Variants in SYK observed in about 807,000 individuals in gnomAD.
The protein encoded by SYK is spleen associated tyrosine kinase.
In SYK, 16 loss-of-function variants were observed where a neutral mutation model predicts 77.8. That is an observed-to-expected ratio of 0.21 (90% CI 0.14 to 0.31). The LOEUF (loss-of-function observed/expected upper bound fraction) is 0.31. SYK is among the 10% of genes least tolerant of loss of function. The probability of loss-of-function intolerance (pLI) is 1.00; values close to 1 mark genes in which losing one functional copy is unlikely to be tolerated. For synonymous variants in SYK, 312 were observed against 308.7 expected (o/e 1.01, Z -0.11); for missense variants, 529 against 814.4 (o/e 0.65, Z 4.26).
At chr9:90,818,247 A>G (rs992954288) in intron 1 of SYK, among the ~76,000 whole-genome samples, 3 of 152,188 alleles carry the variant, frequency 2.0e-5, no homozygotes, top group African/African-American at 7.2e-5. Flanking sequence ...CACCCAAGCA[A>G]TCTGATATTT....
In SYK at chr9:90,878,938, T is replaced by G. The variant is rs781627939; in HGVS notation, c.1566T>G (p.Asp522Glu). The part of the protein sequence containing the change: ...DFGLSKALRA[D>E]ENYYKAQTHG... ...GACTTTCCAAAGCACTGCGTGCTGATGAAAACTACTACAAGGTAAGTACAA... is the reference window on the plus strand; with the variant it reads ...GACTTTCCAAAGCACTGCGTGCTGAGGAAAACTACTACAAGGTAAGTACAA... The change falls in exon 11 of 14, where the codon GAT (aspartate) becomes GAG (glutamate). Residue 522 changes from aspartate to glutamate, a missense_variant. Physicochemically the swap from Asp to Glu is conservative, Grantham distance 45. Around this residue, in one of 2 missense-constraint regions of SYK, gnomAD observed 208 missense variants for 381.3 expected, o/e 0.55. Coordinates refer to ENST00000375754, the MANE Select transcript of SYK (RefSeq NM_003177.7). 1 of 1,610,578 alleles carries G rather than the reference T, an allele frequency of 6.2e-7. No homozygotes were observed. The highest frequency in any genetic ancestry group is 2.2e-5 in the East Asian group (1 of 44,798).
intron 1 of SYK, among the ~76,000 whole-genome samples, chr9:90,838,197 C>A (rs1057484014): frequency 7.2e-5 from 11 of 152,100 alleles, no homozygotes; most frequent in Non-Finnish European, 2.9e-5. Flanking sequence ...AAATAAATAC[C>A]CATTAACCAA....
chr9:90,893,232 C>T (rs1482277833), intron 13 of SYK, among the ~76,000 whole-genome samples: 1 of 152,052 alleles, frequency 6.6e-6, no homozygotes, highest in African/African-American at 2.4e-5. Context: ...GCACAGGGGC[C>T]TGGAGGATAT....
At chr9:90,886,274 G>A (rs768373875) in intron 11 of SYK, among the ~76,000 whole-genome samples, 36 of 152,148 alleles carry the variant, frequency 2.4e-4, no homozygotes, top group African/African-American at 8.0e-4. Flanking sequence ...ATCTTACCCC[G>A]GCTAGAATGG....
intron 3 of SYK, among the ~76,000 whole-genome samples, chr9:90,852,693 G>A (rs1467337855): frequency 3.3e-5 from 5 of 152,104 alleles, no homozygotes; most frequent in Non-Finnish European, 7.4e-5. Context: ...GGATGGAGTC[G>A]TCCAACCAGT....
Position 90,844,276 on chromosome 9 carries a change from C to T in SYK, c.378C>T (p.Asn126=), listed in dbSNP as rs2118637882. The change falls in exon 2 of 14, where the codon AAC becomes AAT. Residue 126 remains asparagine (N), a synonymous_variant. Transcript: ENST00000375754. The part of the protein sequence containing the change: ...KTGPFEDLKE[N]LIREYVKQTW... ...GGCCCTTTGAGGATTTGAAGGAAAA[C>T]CTCATCAGGGAATATGTGAAGCAGA... is the stretch of plus-strand genomic sequence containing the variant. 7.4e-6 allele frequency: 12 copies of T among 1,613,316 alleles called. No individual in the cohort carries two copies. The highest frequency in any genetic ancestry group is 1.0e-5 in the Non-Finnish European group (12 of 1,179,578).
At chr9:90,881,877 A>C (rs1383009035) in intron 11 of SYK, among the ~76,000 whole-genome samples, 3 of 152,086 alleles carry the variant, frequency 2.0e-5, no homozygotes, top group African/African-American at 7.2e-5. Flanking sequence ...GCACTCTAGC[A>C]CGGGCTGCCA....
At chr9:90,873,598 G>A (rs1254519998) in intron 7 of SYK, among the ~76,000 whole-genome samples, 1 of 152,112 alleles carries the variant, frequency 6.6e-6, no homozygotes, top group Non-Finnish European at 1.5e-5. Flanking sequence ...GAGCATTGCT[G>A]GCCTAGGTGG....
intron 11 of SYK, among the ~76,000 whole-genome samples, chr9:90,884,360 T>TATATACACACATATAC (rs1828335118): frequency 3.6e-5 from 5 of 140,604 alleles, no homozygotes; most frequent in Admixed American, 6.8e-5. Context: ...CATACGTGTA[T>TATATACACACATATAC]ACATACATAC....
chr9:90,874,867 A>G lies in SYK; in HGVS notation c.1181+18A>G, dbSNP rs200453444. ...ATGAAAAAGTAAGTTGCTATGTTCC[A>G]CCAGCCTCACCCTCACATGAGCTCA... On this transcript the variant is annotated intron_variant, in intron 9 of 13. Transcript: ENST00000375754. The G allele has an allele frequency of 4.3e-6, 7 of 1,613,100 alleles. No individual in the cohort carries two copies. The highest frequency in any genetic ancestry group is 5.9e-6 in the Non-Finnish European group (7 of 1,179,412).
At chr9:90,807,152 G>A (rs112672889) in intron 1 of SYK, among the ~76,000 whole-genome samples, 81 of 152,296 alleles carry the variant, frequency 5.3e-4, no homozygotes, top group African/African-American at 1.8e-3. Context: ...CTCAGCCAGT[G>A]GTCCTACACT....
At chr9:90,870,699 T>C (rs1280139089) in intron 7 of SYK, among the ~76,000 whole-genome samples, 1 of 152,222 alleles carries the variant, frequency 6.6e-6, no homozygotes, top group Non-Finnish European at 1.5e-5. Flanking sequence ...GCCAACAGTC[T>C]GCCCTCGCCT....
rs147361225 is a variant in SYK at position 90,861,302 on chromosome 9, A to G, written c.579-904A>G. ...TCAGACTCCTGTGTTTCTGTTCACCAGGACCCAGGGCAGGGGGTTGTTCTG... is the reference window on the plus strand; with the variant it reads ...TCAGACTCCTGTGTTTCTGTTCACCGGGACCCAGGGCAGGGGGTTGTTCTG... On this transcript the variant is annotated intron_variant, in intron 3 of 13. Coordinates refer to ENST00000375754, the MANE Select transcript of SYK (RefSeq NM_003177.7). Among the ~76,000 whole-genome samples, 31 of 152,232 alleles carry G rather than the reference A, an allele frequency of 2.0e-4. 1 individual carries two copies. The East Asian group carries it at 6.0e-3, about 30-fold the overall frequency.
At chr9:90,843,563 C>T (rs1826456372) in intron 1 of SYK, among the ~76,000 whole-genome samples, 3 of 152,030 alleles carry the variant, frequency 2.0e-5, no homozygotes, top group South Asian at 2.1e-4. Context: ...CTTCTCTTTG[C>T]GGTATGTTTA....
At chr9:90,827,317 T>C (rs1323960014) in intron 1 of SYK, among the ~76,000 whole-genome samples, 1 of 152,158 alleles carries the variant, frequency 6.6e-6, no homozygotes, top group Admixed American at 6.5e-5. Flanking sequence ...AGAGGCCCCG[T>C]GCTGCTGGGG....
chr9:90,815,911 T>A (rs568368650), intron 1 of SYK, among the ~76,000 whole-genome samples: 8 of 152,226 alleles, frequency 5.3e-5, no homozygotes, highest in Non-Finnish European at 1.2e-4. Flanking sequence ...AGCAACTGCT[T>A]CTCTATCTGG....
rs891893278 is a variant in SYK, at chr9:90,895,852, T to C, written c.*252T>C. The C allele has an allele frequency of 6.0e-6, 3 of 497,384 alleles. No homozygotes were observed. The East Asian group carries it at 9.7e-5, about 16-fold the overall frequency. The allele number at this position is 497,384 out of a possible 1,614,324, so 30.8% of individuals were successfully genotyped here. ...GGATTTGTTTGTTTTCTTGTCTGTG[T>C]GATTTTCATACAGGTTATTTTTACG... On this transcript the variant is annotated 3_prime_UTR_variant, in exon 14 of 14. Transcript: ENST00000375754. The surrounding 1 kb of genome is among the most constrained non-coding windows in gnomAD (Gnocchi z 4.4).
intron 6 of SYK, among the ~76,000 whole-genome samples, chr9:90,866,526 T>C (rs1325163147): frequency 6.6e-6 from 1 of 152,214 alleles, no homozygotes; most frequent in Non-Finnish European, 1.5e-5. Flanking sequence ...CTTAATATTA[T>C]AGGCTCGGTG....
chr9:90,881,351 T>C (rs1281205805), intron 11 of SYK, among the ~76,000 whole-genome samples: 1 of 152,050 alleles, frequency 6.6e-6, no homozygotes, highest in South Asian at 2.1e-4. Context: ...AGTGGAAGAT[T>C]TCTGTATGAA....
Sources: allele counts gnomAD v4.1 joint callset (sites outside exome capture counted in the v4.1 genomes callset), GRCh38; gene constraint gnomAD v4.1.1; regional missense constraint gnomAD v4.1.1; non-coding constraint Gnocchi (gnomAD v3.1); transcripts MANE v1.5; gene names NCBI Gene and HGNC (gene_info 2026-07-23, HGNC 2026-07-21).